The following EPHA5 variants were observed in gnomAD, a reference collection of about 807,000 sequenced individuals.
The protein encoded by EPHA5 is EPH receptor A5.
Under a neutral mutation model 105.0 loss-of-function variants are expected in EPHA5, and 60 were observed. The ratio of observed to expected loss-of-function variants is 0.57; its 90% CI spans 0.46 to 0.71. EPHA5 has a LOEUF of 0.71. Ranked by LOEUF, EPHA5 falls within the 30% of genes least tolerant of loss-of-function variation. The pLI is 0.00. For missense variants in EPHA5, 1,218 were observed against 1,274.7 expected, an observed-to-expected ratio of 0.96 and a Z score of 0.68; for synonymous variants, 513 against 449.1, an observed-to-expected ratio of 1.14 and a Z score of -1.80.
intron 9 of EPHA5, among the ~76,000 whole-genome samples, chr4:65,366,967 GAA>G (rs140157603): frequency 1.4e-5 from 2 of 147,006 alleles, no homozygotes; most frequent in Non-Finnish European, 3.0e-5. Flanking sequence ...AAAGCTAGAA[GAA>G]AAAAAAAACC....
intron 3 of EPHA5, among the ~76,000 whole-genome samples, chr4:65,495,777 T>C (rs1731873112): frequency 6.6e-6 from 1 of 152,136 alleles, no homozygotes; most frequent in African/African-American, 2.4e-5. Context: ...CTTGTAATGA[T>C]TTTTATGCTA....
chr4:65,633,114 A>G (rs946979857), intron 2 of EPHA5, among the ~76,000 whole-genome samples: 21 of 152,040 alleles, frequency 1.4e-4, no homozygotes, highest in African/African-American at 5.1e-4. Flanking sequence ...TGAACAACAC[A>G]AAAAAGAGAG....
At position 65,601,780 on chromosome 4, in the gene EPHA5, T is replaced by G. The variant is rs763044703; in HGVS notation, c.771A>C (p.Glu257Asp). 3.7e-6 allele frequency: 6 copies of G among 1,614,144 alleles called. No homozygotes were observed. Among genetic ancestry groups the G allele is most frequent in the Non-Finnish European group, 5.1e-6 (6 of 1,180,018 alleles). ...ITGADSSQLL[E>D]VSGSCVNHSV... ...AATGGTTGACACAGGAGCCTGACAC[T>G]TCGAGCAATTGGGAAGAATCAGCTC... Residue 257 changes from glutamate to aspartate, a missense_variant, in exon 3 of 17, where the codon GAA becomes GAC. Around this residue, in one of 3 missense-constraint regions of EPHA5, gnomAD observed 971 missense variants for 1,013.5 expected, o/e 0.96. Transcript: ENST00000613740.
intron 2 of EPHA5, among the ~76,000 whole-genome samples, chr4:65,640,820 G>A (rs1747598774): frequency 6.6e-6 from 1 of 151,990 alleles, no homozygotes; most frequent in South Asian, 2.1e-4. Flanking sequence ...ACATCCTTGG[G>A]CATGTACACA....
intron 3 of EPHA5, among the ~76,000 whole-genome samples, chr4:65,529,102 T>C (rs1266059088): frequency 6.6e-6 from 1 of 152,122 alleles, no homozygotes; most frequent in East Asian, 1.9e-4. Context: ...ATGTAATAAA[T>C]TTTCTTTTAA....
intron 3 of EPHA5, among the ~76,000 whole-genome samples, chr4:65,500,820 TGC>T (rs1007627341): frequency 5.4e-5 from 4 of 73,912 alleles, no homozygotes; most frequent in Admixed American, 1.5e-4. Flanking sequence ...CATATATGTG[TGC>T]GTATATATAT....
intron 8 of EPHA5, among the ~76,000 whole-genome samples, chr4:65,401,900 T>TGC (rs1242588150): frequency 1.4e-4 from 14 of 101,228 alleles, no homozygotes; most frequent in South Asian, 1.1e-3. Context: ...TGTATGTGTG[T>TGC]GTGTGAGAGA....
chr4:65,393,254 G>A (rs546121582), intron 8 of EPHA5, among the ~76,000 whole-genome samples: 1 of 152,176 alleles, frequency 6.6e-6, no homozygotes, highest in African/African-American at 2.4e-5. Context: ...TTCAGTTTCA[G>A]TTGTGAGTTC....
At position 65,353,157 on chromosome 4, in the gene EPHA5, T is replaced by C. The variant is rs952553117; in HGVS notation, c.2174-54A>G. 9 of 1,156,522 alleles carry C rather than the reference T, an allele frequency of 7.8e-6. No individual in the cohort carries two copies. The African/African-American group carries it at 1.4e-4, about 18-fold the overall frequency. 71.6% of individuals were successfully genotyped at this position (1,156,522 alleles called of 1,614,324 possible). A position where few individuals can be genotyped will look rare whatever the true frequency, so the allele number is the denominator to read the frequency against. Reference sequence around the variant, plus strand: ...GCTGCTCTTCGATTTTGCATTCTTATCTGGCAAAGCTTACCCAGAAGTTTT... The same window carrying C: ...GCTGCTCTTCGATTTTGCATTCTTACCTGGCAAAGCTTACCCAGAAGTTTT... On this transcript the variant is annotated intron_variant, in intron 11 of 16. Coordinates refer to ENST00000613740, the MANE Select transcript of EPHA5 (RefSeq NM_001281766.3).
intron 5 of EPHA5, among the ~76,000 whole-genome samples, chr4:65,477,452 G>A (rs977734490): frequency 1.3e-5 from 2 of 151,662 alleles, no homozygotes; most frequent in Non-Finnish European, 2.9e-5. Context: ...TCACTCTGTC[G>A]CCCAGGCTTG....
At chr4:65,490,276 G>A in intron 5 of EPHA5, 101 bp downstream of exon 5, 2 of 1,190,490 alleles carry the variant, frequency 1.7e-6, no homozygotes, top group Admixed American at 2.2e-5. Context: ...CCGGTTGAGG[G>A]AAAATTCTCA....
At chr4:65,529,429 A>G (rs1413308223) in intron 3 of EPHA5, among the ~76,000 whole-genome samples, 7 of 152,126 alleles carry the variant, frequency 4.6e-5, no homozygotes, top group Non-Finnish European at 1.0e-4. Context: ...TGCATATTAT[A>G]TGCACACACA....
chr4:65,613,536 A>G (rs1332088357), intron 2 of EPHA5, among the ~76,000 whole-genome samples: 1 of 151,936 alleles, frequency 6.6e-6, no homozygotes, highest in African/African-American at 2.4e-5. Flanking sequence ...TGTTTGTGTC[A>G]TCTATGGTTT....
At chr4:65,358,428 A>C (rs774663463) in intron 11 of EPHA5, among the ~76,000 whole-genome samples, 12 of 151,728 alleles carry the variant, frequency 7.9e-5, no homozygotes, top group Admixed American at 2.0e-4. Flanking sequence ...TCATTATGCC[A>C]TCTTATTTGC....
intron 11 of EPHA5, among the ~76,000 whole-genome samples, chr4:65,364,735 A>T (rs1052350475): frequency 6.5e-5 from 8 of 123,318 alleles, no homozygotes; most frequent in Non-Finnish European, 9.7e-5. Context: ...GCCAATAGTT[A>T]AAAAAAAAGT....
At position 65,490,401 on chromosome 4, in the gene EPHA5, C is replaced by T. The variant is rs1386534029; in HGVS notation, c.1378G>A (p.Val460Ile). ...CCTGCTTGATTTGTGGTTACATTTA[C>T]AGACACATACTGCCGGGCTCCTGGG... is the stretch of plus-strand genomic sequence containing the variant. ...LSPGARQYVSVNVTTNQAAPS... is the reference protein window; with the variant it reads ...LSPGARQYVSINVTTNQAAPS... The change falls in exon 5 of 17, where the codon GTA becomes ATA. Residue 460 changes from valine to isoleucine, a missense_variant. By Grantham distance (29) the Val-to-Ile change is conservative. Transcript: ENST00000613740. 1 of 1,614,032 alleles carries T rather than the reference C, an allele frequency of 6.2e-7. No homozygotes were observed. Among genetic ancestry groups the T allele is most frequent in the East Asian group, 2.2e-5 (1 of 44,864 alleles).
rs540274657 is a variant in EPHA5, at chr4:65,396,551, G to C, written c.1793+7823C>G. 9.9e-5 allele frequency among the ~76,000 whole-genome samples: 15 copies of C among 152,258 alleles called. No individual in the cohort carries two copies. In the South Asian group the frequency reaches 3.1e-3, roughly 32 times the overall value. On this transcript the variant is annotated intron_variant, in intron 8 of 16. Transcript: ENST00000613740. ...TGGAAGAACAGCAGTACCACTGGAG[G>C]ACCCTAAATGCGACACCAGTGATGA... is the stretch of plus-strand genomic sequence containing the variant.
intron 7 of EPHA5, among the ~76,000 whole-genome samples, chr4:65,413,099 A>G (rs1314661983): frequency 6.6e-6 from 1 of 152,110 alleles, no homozygotes; most frequent in Non-Finnish European, 1.5e-5. Flanking sequence ...TTCAAGGTGC[A>G]GGATTAAACA....
At chr4:65,573,032 A>G (rs562921929) in intron 3 of EPHA5, among the ~76,000 whole-genome samples, 2 of 152,212 alleles carry the variant, frequency 1.3e-5, no homozygotes, top group East Asian at 3.9e-4. Flanking sequence ...CTTTGTCTCA[A>G]AAAGAAAAAA....
Sources: allele counts gnomAD v4.1 joint callset (sites outside exome capture counted in the v4.1 genomes callset), GRCh38; gene constraint gnomAD v4.1.1; regional missense constraint gnomAD v4.1.1; transcripts MANE v1.5; gene names NCBI Gene and HGNC (gene_info 2026-07-23, HGNC 2026-07-21).